Variants in NRG2 observed in about 807,000 individuals in gnomAD.
NRG2 encodes the protein pro-neuregulin-2, membrane-bound isoform.
NRG2 carries 27 observed loss-of-function variants against 73.9 expected under a neutral mutation model. That is an observed-to-expected ratio of 0.37 (90% confidence interval 0.27 to 0.50). The LOEUF (loss-of-function observed/expected upper bound fraction) is 0.50, where lower values mean the gene tolerates loss of function less well. Among genes scored for constraint, NRG2 ranks in the 20% least tolerant of loss-of-function variants. NRG2 has a pLI of 0.96. For missense variants in NRG2, 1,126 were observed against 1,210.1 expected (o/e 0.93, Z 1.03); for synonymous variants, 532 against 541.0 (o/e 0.98, Z 0.23).
intron 1 of NRG2, among the ~76,000 whole-genome samples, chr5:139,980,715 A>G (rs264346): frequency 0.34 from 52,251 of 152,056 alleles, 9,838 homozygotes; most frequent in African/African-American, 0.5. Context: ...ACCAGCACTA[A>G]TCTCTACAAT....
At position 139,998,651 on chromosome 5, in the gene NRG2, G is replaced by A. The variant is rs143449813; in HGVS notation, c.700+43719C>T. Among the ~76,000 whole-genome samples, 681 of 152,270 alleles carry A rather than the reference G, an allele frequency of 4.5e-3. 51 individuals carry two copies. In the South Asian group the frequency reaches 0.12, roughly 27 times the overall value. On this transcript the variant is annotated intron_variant, in intron 1 of 9. Transcript: ENST00000361474. Reference sequence around the variant, plus strand: ...GTCACCAAAAGTAGAGAATCTCAATGCTCAAGAGGCCCAATGCTTGCTCCT... The same window carrying A: ...GTCACCAAAAGTAGAGAATCTCAATACTCAAGAGGCCCAATGCTTGCTCCT...
chr5:139,964,357 TACACAC>T (rs71574473), intron 1 of NRG2, among the ~76,000 whole-genome samples: 24,126 of 142,696 alleles, frequency 0.17, 1,989 homozygotes, highest in South Asian at 0.27. Context: ...GAAATACAGA[TACACAC>T]ACACACACAC....
At chr5:139,978,335 C>A (rs1161043679) in intron 1 of NRG2, among the ~76,000 whole-genome samples, 1 of 152,170 alleles carries the variant, frequency 6.6e-6, no homozygotes, top group Non-Finnish European at 1.5e-5. Flanking sequence ...CCAAAAGACA[C>A]ATGAAAAAAT....
chr5:140,022,201 T>C (rs1228094153), intron 1 of NRG2, among the ~76,000 whole-genome samples: 1 of 152,194 alleles, frequency 6.6e-6, no homozygotes, highest in Non-Finnish European at 1.5e-5. Flanking sequence ...TTCGTGATTT[T>C]ATTCAAGCTT....
intron 1 of NRG2, among the ~76,000 whole-genome samples, chr5:140,026,758 G>A (rs546257911): frequency 1.3e-5 from 2 of 152,228 alleles, no homozygotes; most frequent in South Asian, 2.1e-4. Flanking sequence ...GAGGATAAGA[G>A]TGAAAAAAGA....
At chr5:139,932,830 AAACAGACATAT>A (rs2126380686) in intron 1 of NRG2, among the ~76,000 whole-genome samples, 2 of 152,292 alleles carry the variant, frequency 1.3e-5, no homozygotes, top group East Asian at 3.9e-4. Flanking sequence ...GAACTGAAGT[AAACAGACATAT>A]TGGATGGTTA....
intron 1 of NRG2, among the ~76,000 whole-genome samples, chr5:140,016,094 G>A (rs1442722202): frequency 6.6e-6 from 1 of 152,154 alleles, no homozygotes; most frequent in Non-Finnish European, 1.5e-5. Context: ...TACTTGCCAC[G>A]TCCTCAAGTT....
chr5:140,041,555 A>G (rs1372588908), intron 1 of NRG2, among the ~76,000 whole-genome samples: 3 of 152,136 alleles, frequency 2.0e-5, no homozygotes, highest in Admixed American at 1.3e-4. Context: ...AGATGCAGTC[A>G]AATACATCCG....
chr5:140,037,907 CAAA>C (rs748112690), intron 1 of NRG2, among the ~76,000 whole-genome samples: 2 of 59,004 alleles, frequency 3.4e-5, no homozygotes, highest in African/African-American at 6.8e-5. Flanking sequence ...GACTCCATCT[CAAA>C]AAAAAAAAAA....
intron 1 of NRG2, among the ~76,000 whole-genome samples, chr5:139,961,070 G>T (rs559692180): frequency 6.6e-6 from 1 of 152,232 alleles, no homozygotes; most frequent in East Asian, 1.9e-4. Flanking sequence ...TAGGCAGCCA[G>T]GTGAGATGCT....
intron 1 of NRG2, among the ~76,000 whole-genome samples, chr5:139,922,641 C>G (rs1751758850): frequency 6.6e-6 from 1 of 152,160 alleles, no homozygotes; most frequent in African/African-American, 2.4e-5. Flanking sequence ...CACAGAAAAA[C>G]CTGCACAAGG....
intron 1 of NRG2, among the ~76,000 whole-genome samples, chr5:139,999,676 G>GGT (rs1225825447): frequency 6.6e-6 from 1 of 152,166 alleles, no homozygotes; most frequent in African/African-American, 2.4e-5. Context: ...TCCAAACATC[G>GGT]GTCCCTCCTG....
In NRG2 at chr5:139,848,644, T is replaced by C. The variant is rs1220386549; in HGVS notation, c.1826A>G (p.Tyr609Cys). Residue 609 changes from tyrosine (Y) to cysteine (C), a missense_variant, in exon 10 of 10, where the codon TAC becomes TGC. This residue lies in a region of NRG2 where 539 missense variants were observed against 703.2 expected (regional missense o/e 0.77). Transcript: ENST00000361474. Reference sequence around the variant, plus strand: ...AGTTGGCACCTGCGTGGCCAGCGAGTAGTGGAAGTCCACGGGCGAGAGGCG... The same window carrying C: ...AGTTGGCACCTGCGTGGCCAGCGAGCAGTGGAAGTCCACGGGCGAGAGGCG... ...PARLSPVDFH[Y>C]SLATQVPTFE... 1.9e-6 allele frequency: 3 copies of C among 1,571,492 alleles called. No homozygotes were observed. The highest frequency in any genetic ancestry group is 2.6e-6 in the Non-Finnish European group (3 of 1,168,960).
chr5:139,946,172 A>T (rs1405212605), intron 1 of NRG2, among the ~76,000 whole-genome samples: 4 of 152,132 alleles, frequency 2.6e-5, no homozygotes, highest in Non-Finnish European at 4.4e-5. Flanking sequence ...TTGAAAAAGA[A>T]GAACAAAGTT....
chr5:140,012,393 T>G lies in NRG2; in HGVS notation c.700+29977A>C, dbSNP rs1759432985. 2.0e-5 allele frequency among the ~76,000 whole-genome samples: 3 copies of G among 152,230 alleles called. No homozygotes were observed. In the South Asian group the frequency reaches 6.2e-4, roughly 32 times the overall value. Reference sequence around the variant, plus strand: ...CAGGGCACACATCTGTCATTCACTATATACACAAAGTAATCCTGTCTTAAC... The same window carrying G: ...CAGGGCACACATCTGTCATTCACTAGATACACAAAGTAATCCTGTCTTAAC... On this transcript the variant is annotated intron_variant, in intron 1 of 9. Coordinates refer to ENST00000361474, the MANE Select transcript of NRG2 (RefSeq NM_004883.3).
intron 1 of NRG2, among the ~76,000 whole-genome samples, chr5:139,938,892 GAAAGAAAGAAAGAAAAGAAAGAA>G (rs1753088422): frequency 2.7e-5 from 2 of 73,670 alleles, no homozygotes; most frequent in Admixed American, 1.4e-4. Flanking sequence ...AGGAAAGAAA[GAAAGAAAGAAAGAAAAGAAAGAA>G]AGAAAGAAAG....
chr5:139,880,871 G>A lies in NRG2; in HGVS notation c.976C>T (p.Leu326Phe). 1.2e-6 allele frequency: 2 copies of A among 1,614,036 alleles called. No homozygotes were observed. Among genetic ancestry groups the A allele is most frequent in the Non-Finnish European group, 1.7e-6 (2 of 1,179,906 alleles). ...GCCCACCTACCGCTGTTGACGTAAAGCCGGCCCCGGACGGTGTCCTTCCCC... is the reference window on the plus strand; with the variant it reads ...GCCCACCTACCGCTGTTGACGTAAAACCGGCCCCGGACGGTGTCCTTCCCC... ...ILGKDTVRGRLYVNSVSTTLS... is the reference protein window; with the variant it reads ...ILGKDTVRGRFYVNSVSTTLS... The change falls in exon 3 of 10, where the codon CTT becomes TTT. Residue 326 changes from leucine (L) to phenylalanine (F), a missense_variant. This residue lies in a region of NRG2 where 539 missense variants were observed against 703.2 expected (regional missense o/e 0.77). Transcript: ENST00000361474.
intron 1 of NRG2, among the ~76,000 whole-genome samples, chr5:139,938,583 T>C (rs921120095): frequency 6.6e-6 from 1 of 151,998 alleles, no homozygotes; most frequent in African/African-American, 2.4e-5. Flanking sequence ...CAGGCTGGTC[T>C]TGAACTCCTG....
intron 9 of NRG2, among the ~76,000 whole-genome samples, chr5:139,849,685 C>A (rs1332945657): frequency 6.6e-6 from 1 of 152,150 alleles, no homozygotes; most frequent in Admixed American, 6.5e-5. Flanking sequence ...GCCTGGAGTC[C>A]CCATTATCAT....
Sources: gnomAD v4.1 joint callset for allele counts (sites outside exome capture counted in the v4.1 genomes callset) on GRCh38, gnomAD v4.1.1 for gene constraint, gnomAD v4.1.1 regional missense constraint, MANE v1.5 for transcripts, NCBI Gene and HGNC (gene_info 2026-07-23, HGNC 2026-07-21) for gene names.